The following ANKS3 variants were observed in gnomAD, a reference collection of about 807,000 sequenced individuals.
The protein encoded by ANKS3 is ankyrin repeat and sterile alpha motif domain containing 3, also known as ankyrin repeat and SAM domain-containing protein 3.
A neutral mutation model predicts 80.7 loss-of-function variants in ANKS3; 62 were observed. The observed-to-expected ratio is 0.77, with a 90% CI of 0.63 to 0.95. The LOEUF (loss-of-function observed/expected upper bound fraction) is 0.95, where lower values mean the gene tolerates loss of function less well. Among genes scored for constraint, ANKS3 ranks in the 40% least tolerant of loss-of-function variants. The pLI is 0.00. For synonymous variants in ANKS3, 489 were observed against 355.3 expected (o/e 1.38, Z -4.23); for missense variants, 1,150 against 883.6 (o/e 1.30, Z -3.82).
chr16:4,698,700 A>G, intron 13 of ANKS3, 100 bp downstream of exon 13: 1 of 1,532,104 alleles, frequency 6.5e-7, no homozygotes, highest in Non-Finnish European at 8.7e-7. Flanking sequence ...TCCCCACTGC[A>G]TCCACCTGAC....
At chr16:4,730,712 C>CA (rs1331669948) in intron 2 of ANKS3, among the ~76,000 whole-genome samples, 1 of 152,024 alleles carries the variant, frequency 6.6e-6, no homozygotes, top group Non-Finnish European at 1.5e-5. Context: ...ACTAAAAATA[C>CA]AAAAATTAGC....
chr16:4,698,411 G>C lies in ANKS3; in HGVS notation c.1724+16C>G. Reference sequence around the variant, plus strand: ...ACCACTGGAGACCCAGCCCAGGGCAGCTCAGAGCCACTCACCGCAGCTGGT... The same window carrying C: ...ACCACTGGAGACCCAGCCCAGGGCACCTCAGAGCCACTCACCGCAGCTGGT... On this transcript the variant is annotated intron_variant, in intron 14 of 17. Coordinates refer to ENST00000304283, the MANE Select transcript of ANKS3 (RefSeq NM_133450.4). 1 of 1,498,378 alleles carries C rather than the reference G, an allele frequency of 6.7e-7. No individual in the cohort carries two copies. The highest frequency in any genetic ancestry group is 2.4e-5 in the East Asian group (1 of 41,094). The allele number at this position is 1,498,378 out of a possible 1,614,324, so 92.8% of individuals were successfully genotyped here.
intron 2 of ANKS3, 145 bp from the exon 3 acceptor site, chr16:4,730,296 A>C: frequency 1.4e-6 from 1 of 702,540 alleles, no homozygotes; most frequent in Non-Finnish European, 2.1e-6. Flanking sequence ...AGACAAATTT[A>C]TTTGCTGAAA....
In ANKS3 at chr16:4,705,083, C is replaced by T. The variant is rs368423552; in HGVS notation, c.868+12G>A. 29 of 1,610,000 alleles carry T rather than the reference C, an allele frequency of 1.8e-5. No individual in the cohort carries two copies. The African/African-American group carries it at 1.9e-4, about 10-fold the overall frequency. On this transcript the variant is annotated intron_variant, in intron 8 of 17. Transcript: ENST00000304283. ...AATGAGAAAGAGCCCTCGGGAAACG[C>T]GGGCCACTCACCATAGCGAGGCCGT...
chr16:4,699,240 T>A (rs1388234612), intron 11 of ANKS3, 64 bp from the exon 12 acceptor site: 21 of 1,574,010 alleles, frequency 1.3e-5, no homozygotes, highest in Non-Finnish European at 1.8e-5. Context: ...GACGTTTTCC[T>A]CCACTCGGAG....
chr16:4,720,914 G>A (rs1440152216), intron 6 of ANKS3, among the ~76,000 whole-genome samples: 1 of 149,960 alleles, frequency 6.7e-6, no homozygotes, highest in African/African-American at 2.4e-5. Context: ...TCCAGCCAGG[G>A]CTACAGAGCG....
At position 4,698,550 on chromosome 16, in the gene ANKS3, T is replaced by G; in HGVS notation, c.1601A>C (p.Glu534Ala). The stretch of plus-strand genomic sequence containing the variant: ...GCAGCTCTCCACCACGGCGCGCAGC[T>G]CCTGCTCCTGACACACCTGGCCCCG... The part of the protein sequence containing the change: ...ATRGQVCQEQ[E>A]LRAVVESCLL... The change falls in exon 14 of 18, where the codon GAG (glutamate) becomes GCG (alanine). Residue 534 changes from glutamate to alanine, a missense_variant. Glu to Ala is a moderately radical substitution (Grantham distance 107, BLOSUM62 -1). Coordinates refer to ENST00000304283, the MANE Select transcript of ANKS3 (RefSeq NM_133450.4). 1 of 1,581,980 alleles carries G rather than the reference T, an allele frequency of 6.3e-7. No individual in the cohort carries two copies. Among genetic ancestry groups the G allele is most frequent in the Non-Finnish European group, 8.5e-7 (1 of 1,171,786 alleles).
At chr16:4,699,295 G>A in intron 11 of ANKS3, 119 bp from the exon 12 acceptor site, 1 of 1,385,174 alleles carries the variant, frequency 7.2e-7, no homozygotes. Flanking sequence ...TGCCTTGTGT[G>A]TGGCGCCCAG....
chr16:4,703,866 C>T (rs762158569), intron 8 of ANKS3, among the ~76,000 whole-genome samples: 1 of 117,068 alleles, frequency 8.5e-6, no homozygotes, highest in East Asian at 3.3e-4. Context: ...CGCACACAAG[C>T]GGCTTCAGAC....
In ANKS3 at chr16:4,702,107, C is replaced by A; in HGVS notation, c.1004G>T (p.Ser335Ile). 2 of 1,416,138 alleles carry A rather than the reference C, an allele frequency of 1.4e-6. No individual in the cohort carries two copies. Among genetic ancestry groups the A allele is most frequent in the Non-Finnish European group, 1.9e-6 (2 of 1,043,816 alleles). The allele number at this position is 1,416,138 out of a possible 1,614,324, so 87.7% of individuals were successfully genotyped here. A position where few individuals can be genotyped will look rare whatever the true frequency, so the allele number is the denominator to read the frequency against. The change falls in exon 9 of 18, where the codon AGT becomes ATT. Residue 335 changes from serine to isoleucine, a missense_variant. Ser to Ile is a moderately radical substitution (Grantham distance 142). Transcript: ENST00000304283. ...RDVESSSSSS[S>I]REEHAFCANL... ...ATGGGTGGGGGTGCACGTACCCCGA[C>A]TGCTGCTGCTGCTGCTGCTCTCCAC...
chr16:4,698,175 C>G, intron 14 of ANKS3, 113 bp from the exon 15 acceptor site: 1 of 1,311,412 alleles, frequency 7.6e-7, no homozygotes, highest in Non-Finnish European at 1.1e-6. Flanking sequence ...GCAGCTGGCC[C>G]TCATGGGCTG....
chr16:4,727,225 G>C, intron 3 of ANKS3, 48 bp from the exon 4 acceptor site: 1 of 1,592,522 alleles, frequency 6.3e-7, no homozygotes, highest in South Asian at 1.1e-5. Context: ...CCTCGCATGT[G>C]GGGTTCACCA....
rs1044318684 is a variant in ANKS3 at position 4,701,237 on chromosome 16, C to T, written c.1120-103G>A. ...GGGGCTTGAGAGGCTTCGTGAAACC[C>T]CCCACCCGCCACACAGGGGCTTCCG... On this transcript the variant is annotated intron_variant, in intron 10 of 17. Coordinates refer to ENST00000304283, the MANE Select transcript of ANKS3 (RefSeq NM_133450.4). 6 of 1,535,604 alleles carry T rather than the reference C, an allele frequency of 3.9e-6. No homozygotes were observed. The African/African-American group carries it at 4.1e-5, about 10-fold the overall frequency.
intron 2 of ANKS3, among the ~76,000 whole-genome samples, chr16:4,730,753 G>A (rs867315996): frequency 2.8e-4 from 42 of 152,122 alleles, no homozygotes; most frequent in Admixed American, 2.6e-4. Flanking sequence ...TCGGGAGGCT[G>A]AGGTAGGAGC....
At chr16:4,700,841 G>T (rs946792665) in intron 11 of ANKS3, 129 bp downstream of exon 11, 4 of 1,239,068 alleles carry the variant, frequency 3.2e-6, no homozygotes, top group African/African-American at 3.0e-5. Context: ...AGCCTAACAG[G>T]CCATGGGGAT....
At position 4,727,047 on chromosome 16, in the gene ANKS3, C is replaced by A. The variant is rs912412051; in HGVS notation, c.301G>T (p.Glu101Ter). 1 of 1,614,212 alleles carries A rather than the reference C, an allele frequency of 6.2e-7. No individual in the cohort carries two copies. The highest frequency in any genetic ancestry group is 1.7e-5 in the Admixed American group (1 of 60,030). ...AGVSVNVPTP[E>*]GQTPLMLASS... is the part of the protein sequence containing the mutation. ...GCCAGCATCAGTGGAGTCTGCCCTT[C>A]TGGGGTCGGCACATTCACACTCACC... The change falls in exon 4 of 18, where the codon GAA (glutamate) becomes TAA (stop). Residue 101 changes from glutamate (E) to a stop codon, truncating the protein, a stop_gained. Transcript: ENST00000304283. LOFTEE classifies it high-confidence loss of function.
intron 3 of ANKS3, among the ~76,000 whole-genome samples, chr16:4,728,574 G>A (rs1338606036): frequency 6.6e-6 from 1 of 152,046 alleles, no homozygotes; most frequent in Non-Finnish European, 1.5e-5. Context: ...TCTCCCTGGG[G>A]CTCTCTTACC....
intron 16 of ANKS3, 99 bp from the exon 17 acceptor site, chr16:4,697,203 C>T (rs1449069441): frequency 6.4e-7 from 1 of 1,553,864 alleles, no homozygotes; most frequent in Non-Finnish European, 8.8e-7. Flanking sequence ...TGCCCCTCAC[C>T]CGTTATGGCC....
At chr16:4,727,493 G>C (rs2081413884) in intron 3 of ANKS3, 1 of 423,388 alleles carries the variant, frequency 2.4e-6, no homozygotes. Flanking sequence ...ATGTGTGAAG[G>C]CATTTTTGGT....
Sources: allele counts gnomAD v4.1 joint callset (sites outside exome capture counted in the v4.1 genomes callset), GRCh38; gene constraint gnomAD v4.1.1; transcripts MANE v1.5; gene names NCBI Gene and HGNC (gene_info 2026-07-23, HGNC 2026-07-21).